Variants in TENM2 observed in about 807,000 individuals in gnomAD.
TENM2 encodes teneurin transmembrane protein 2, also known as teneurin-2.
In TENM2, 52 loss-of-function variants were observed where a neutral mutation model predicts 245.2. The ratio of observed to expected loss-of-function variants is 0.21; its 90% CI spans 0.17 to 0.27. The LOEUF is 0.27. Among genes scored for constraint, TENM2 ranks in the 10% least tolerant of loss-of-function variants. The pLI, the probability that TENM2 is intolerant of heterozygous loss-of-function variation, is 1.00. For missense variants in TENM2, 3,046 were observed against 3,666.8 expected, an observed-to-expected ratio of 0.83 and a Z score of 4.37; for synonymous variants, 1,363 against 1,438.9, an observed-to-expected ratio of 0.95 and a Z score of 1.19.
Position 168,190,328 on chromosome 5 carries a change from C to T in TENM2, c.2570-9C>T, listed in dbSNP as rs781488896. 6.2e-7 allele frequency: 1 copy of T among 1,610,552 alleles called. No individual in the cohort carries two copies. The highest frequency in any genetic ancestry group is 2.2e-5 in the East Asian group (1 of 44,842). ...TCTGCTGACTCTGGCTCTGCCTCTG[C>T]CCTTCCAGATGGCCTGGTGGATTGT... is the stretch of plus-strand genomic sequence containing the variant. On this transcript the variant is annotated splice_polypyrimidine_tract_variant and intron_variant, in intron 13 of 28. Coordinates refer to ENST00000518659, the Ensembl canonical transcript of TENM2.
intron 2 of TENM2, among the ~76,000 whole-genome samples, chr5:167,451,524 A>G (rs11742767): frequency 0.6 from 91,480 of 152,040 alleles, 27,868 homozygotes; most frequent in African/African-American, 0.69. Context: ...AGAAAAGAAT[A>G]GTCCAGGCCG....
the TENM2 span, among the ~76,000 whole-genome samples, chr5:167,016,050 C>T: frequency 4.6e-5 from 7 of 151,824 alleles, no homozygotes; most frequent in Non-Finnish European, 4.4e-5. Flanking sequence ...GTCAGGAGAT[C>T]GAGACCATCC....
At chr5:167,388,383 A>C (rs1177009060) in intron 2 of TENM2, among the ~76,000 whole-genome samples, 1 of 151,924 alleles carries the variant, frequency 6.6e-6, no homozygotes, top group Admixed American at 6.6e-5. Flanking sequence ...TATTGAACTT[A>C]TTTGGATTTT....
At chr5:167,134,625 A>G in the TENM2 span, among the ~76,000 whole-genome samples, 21 of 152,302 alleles carry the variant, frequency 1.4e-4, no homozygotes, top group African/African-American at 2.2e-4. Flanking sequence ...TCGGTTTTGC[A>G]TATTTCCTTT....
At chr5:167,357,112 A>T (rs191351155) in intron 1 of TENM2, among the ~76,000 whole-genome samples, 1 of 152,256 alleles carries the variant, frequency 6.6e-6, no homozygotes, top group Non-Finnish European at 1.5e-5. Flanking sequence ...ATTTTGAGGA[A>T]AAAGGCCTTG....
At chr5:167,203,681 C>T in the TENM2 span, among the ~76,000 whole-genome samples, 2 of 152,132 alleles carry the variant, frequency 1.3e-5, no homozygotes, top group African/African-American at 4.8e-5. Context: ...TGGTTTAAAA[C>T]ATAACAAGCT....
At chr5:167,653,898 C>T (rs1754652481) in intron 2 of TENM2, 1 of 151,438 alleles carries the variant, frequency 6.6e-6, no homozygotes, top group Non-Finnish European at 1.5e-5. Flanking sequence ...GTTGCCACAT[C>T]CACTTTGTCT....
intron 1 of TENM2, among the ~76,000 whole-genome samples, chr5:167,291,250 T>C (rs1754620213): frequency 6.6e-6 from 1 of 152,210 alleles, no homozygotes; most frequent in Admixed American, 6.5e-5. Context: ...ACACTCTTAT[T>C]CATATGACTT....
chr5:167,023,423 T>G, the TENM2 span, among the ~76,000 whole-genome samples: 1 of 152,200 alleles, frequency 6.6e-6, no homozygotes, highest in African/African-American at 2.4e-5. Context: ...TATTGGTTTG[T>G]GTGGACACAA....
the TENM2 span, among the ~76,000 whole-genome samples, chr5:166,988,784 G>A: frequency 1.3e-5 from 2 of 152,162 alleles, no homozygotes; most frequent in East Asian, 3.9e-4. Context: ...CCACACGGCT[G>A]CCCTAGAAAT....
intron 7 of TENM2, among the ~76,000 whole-genome samples, chr5:168,069,762 G>A (rs1228854323): frequency 2.0e-5 from 3 of 152,102 alleles, no homozygotes; most frequent in Non-Finnish European, 4.4e-5. Flanking sequence ...AGCATCTACA[G>A]TACAACGTAA....
In TENM2 at chr5:167,337,110, G is replaced by C. The variant is rs374832985; in HGVS notation, c.227-38088G>C. 1.2e-3 allele frequency among the ~76,000 whole-genome samples: 148 copies of C among 119,458 alleles called. 4 individuals are homozygous for C. In the East Asian group the frequency reaches 0.016, roughly 13 times the overall value. 78.4% of individuals were successfully genotyped at this position (119,458 alleles called of 152,430 possible). On this transcript the variant is annotated intron_variant, in intron 1 of 28. Coordinates refer to ENST00000518659, the Ensembl canonical transcript of TENM2. Reference sequence around the variant, plus strand: ...CCGCAGTCCGGCCTGGGCGACAGAGGGAGACTCCGTCTCAAAAAAAAAAAA... The same window carrying C: ...CCGCAGTCCGGCCTGGGCGACAGAGCGAGACTCCGTCTCAAAAAAAAAAAA...
At position 168,253,619 on chromosome 5, in the gene TENM2, G is replaced by A. The variant is rs1458336695; in HGVS notation, c.7432+5248G>A. On this transcript the variant is annotated intron_variant, in intron 27 of 28. Transcript: ENST00000518659. ...TGTTTGTATTTTTAGTAGAGACGGG[G>A]TTTCACCGTGTTAGCCAGGATGGTC... Among the ~76,000 whole-genome samples, 7 of 151,880 alleles carry A rather than the reference G, an allele frequency of 4.6e-5. No homozygotes were observed. In the East Asian group the frequency reaches 5.9e-4, roughly 13 times the overall value.
chr5:168,071,677 AT>A (rs1255109877), intron 7 of TENM2, among the ~76,000 whole-genome samples: 13 of 152,186 alleles, frequency 8.5e-5, no homozygotes, highest in Non-Finnish European at 1.9e-4. Flanking sequence ...TACAGTAAAC[AT>A]TCTTTCAGGT....
intron 2 of TENM2, among the ~76,000 whole-genome samples, chr5:167,682,024 C>CCCTT (rs1050105797): frequency 1.5e-3 from 230 of 151,194 alleles, no homozygotes; most frequent in African/African-American, 4.8e-3. Context: ...AGAGAGAATG[C>CCCTT]CCTTCCTTCC....
chr5:167,325,867 T>C (rs1410410999), intron 1 of TENM2, among the ~76,000 whole-genome samples: 2 of 152,182 alleles, frequency 1.3e-5, no homozygotes, highest in Non-Finnish European at 2.9e-5. Context: ...AACCATGAAC[T>C]TGTAAATTTT....
chr5:167,246,366 T>C, the TENM2 span, among the ~76,000 whole-genome samples: 1 of 152,140 alleles, frequency 6.6e-6, no homozygotes, highest in East Asian at 1.9e-4. Context: ...AGGTATCATA[T>C]ACCTATGCAA....
intron 2 of TENM2, among the ~76,000 whole-genome samples, chr5:167,537,687 GTCT>G (rs1461623110): frequency 6.6e-6 from 1 of 152,160 alleles, no homozygotes; most frequent in Non-Finnish European, 1.5e-5. Flanking sequence ...CATGACCTTT[GTCT>G]TCTTCCATCT....
rs565292177 is a variant in TENM2 at position 168,244,927 on chromosome 5, G to A, written c.5817+211G>A. 2.0e-5 allele frequency among the ~76,000 whole-genome samples: 3 copies of A among 151,932 alleles called. No individual in the cohort carries two copies. The highest frequency in any genetic ancestry group is 4.2e-4 in the South Asian group (2 of 4,786). On this transcript the variant is annotated intron_variant, in intron 26 of 28. Coordinates refer to ENST00000518659, the Ensembl canonical transcript of TENM2. The surrounding 1 kb of genome is among the most constrained non-coding windows in gnomAD (Gnocchi z 4.9). ...TGTGACTACAGGCACATGTCACCAC[G>A]CCCGGCTAATTTTGTATTTTTAGTA...
Sources: gnomAD v4.1 joint callset for allele counts (sites outside exome capture counted in the v4.1 genomes callset) on GRCh38, gnomAD v4.1.1 for gene constraint, Gnocchi (gnomAD v3.1) non-coding constraint, MANE v1.5 for transcripts, NCBI Gene and HGNC (gene_info 2026-07-23, HGNC 2026-07-21) for gene names.